The following FREM1 variants were observed in gnomAD, a reference collection of about 807,000 sequenced individuals.
FREM1 encodes FRAS1 related extracellular matrix 1, also known as FRAS1-related extracellular matrix protein 1.
A neutral mutation model predicts 210.1 loss-of-function variants in FREM1; 220 were observed. The observed-to-expected ratio is 1.05, with a 90% CI of 0.94 to 1.17. FREM1 has a LOEUF of 1.17. FREM1 is among the 50% of genes most tolerant of loss of function. The pLI is 0.00. For missense variants in FREM1, 3,454 were observed against 2,675.5 expected, an observed-to-expected ratio of 1.29 and a Z score of -6.42; for synonymous variants, 1,189 against 980.2, an observed-to-expected ratio of 1.21 and a Z score of -3.98.
rs746170886 is a variant in FREM1, at chr9:14,842,473, A to G, written c.1581T>C (p.Asn527=). ...GCCCCTCCTCCAGTTCAATCACAAC[A>G]TTGGTTATGAGGAACGGGGGACTAT... is the stretch of plus-strand genomic sequence containing the variant. The part of the protein sequence containing the change: ...KDDSPPFLIT[N]VVIELEEGQT... Residue 527 remains asparagine, a synonymous_variant, in exon 9 of 37, where the codon AAT becomes AAC. Coordinates refer to ENST00000380880, the MANE Select transcript of FREM1 (RefSeq NM_001379081.2). 12 of 1,613,846 alleles carry G rather than the reference A, an allele frequency of 7.4e-6. No homozygotes were observed. The Admixed American group carries it at 1.8e-4, about 25-fold the overall frequency.
intron 3 of FREM1, among the ~76,000 whole-genome samples, chr9:14,860,612 C>CATATAT (rs1158294138): frequency 3.8e-4 from 40 of 105,826 alleles, no homozygotes; most frequent in East Asian, 6.7e-4. Flanking sequence ...CACATATATA[C>CATATAT]ACACATATAT....
intron 24 of FREM1, 62 bp downstream of exon 24, chr9:14,784,308 G>C (rs923697512): frequency 6.7e-7 from 1 of 1,491,880 alleles, no homozygotes; most frequent in African/African-American, 1.4e-5. Context: ...CACATTAACA[G>C]ATCTCCTTTT....
chr9:14,860,792 TATATACACATATATAC>T (rs1829910597), intron 3 of FREM1, among the ~76,000 whole-genome samples: 1 of 126,510 alleles, frequency 7.9e-6, no homozygotes, highest in African/African-American at 3.1e-5. Context: ...CATATATACA[TATATACACATATATAC>T]ATATATACAC....
intron 24 of FREM1, among the ~76,000 whole-genome samples, chr9:14,783,103 T>A (rs745392609): frequency 6.6e-6 from 1 of 152,236 alleles, no homozygotes; most frequent in Non-Finnish European, 1.5e-5. Context: ...AAGGGACACT[T>A]ATCAAGAGAA....
intron 1 of FREM1, among the ~76,000 whole-genome samples, chr9:14,905,915 A>G (rs1001466009): frequency 2.0e-5 from 3 of 147,160 alleles, no homozygotes; most frequent in African/African-American, 7.4e-5. Context: ...AAAAAAAAAA[A>G]GAATAAAGTG....
intron 9 of FREM1, 51 bp from the exon 10 acceptor site, chr9:14,841,640 C>G (rs1358195940): frequency 2.1e-6 from 3 of 1,401,546 alleles, no homozygotes; most frequent in South Asian, 1.8e-5. Flanking sequence ...TATCAAATAT[C>G]GAGGGACAAT....
intron 1 of FREM1, among the ~76,000 whole-genome samples, chr9:14,870,489 GT>G (rs199738597): frequency 6.6e-6 from 1 of 151,338 alleles, no homozygotes; most frequent in African/African-American, 2.4e-5. Flanking sequence ...TGTTGTCTTT[GT>G]TTTTTTTCTT....
chr9:14,806,802 C>A lies in FREM1; in HGVS notation c.3133G>T (p.Val1045Phe), dbSNP rs761033350. 2.5e-6 allele frequency: 4 copies of A among 1,608,012 alleles called. No homozygotes were observed. The highest frequency in any genetic ancestry group is 3.4e-6 in the Non-Finnish European group (4 of 1,177,216). Residue 1045 changes from valine (V) to phenylalanine (F), a missense_variant, in exon 18 of 37, where the codon GTT becomes TTT. Physicochemically the swap from Val to Phe is conservative, Grantham distance 50. Coordinates refer to ENST00000380880, the MANE Select transcript of FREM1 (RefSeq NM_001379081.2). Reference sequence around the variant, plus strand: ...GGGTCAGTGGCGGACAAATGGTTAACAGTAAGGGCTGTTGAGCAGCCCTCA... The same window carrying A: ...GGGTCAGTGGCGGACAAATGGTTAAAAGTAAGGGCTGTTGAGCAGCCCTCA... The part of the protein sequence containing the change: ...VDEGCSTALT[V>F]NHLSATDPDT...
At chr9:14,844,296 G>T (rs1358366755) in intron 8 of FREM1, among the ~76,000 whole-genome samples, 1 of 150,648 alleles carries the variant, frequency 6.6e-6, no homozygotes, top group East Asian at 2.0e-4. Context: ...CGTGATCTCA[G>T]CTCACTGCAA....
Position 14,860,572 on chromosome 9 carries a change from C to CACAT in FREM1, c.330-1089_330-1088insATGT, listed in dbSNP as rs1554707048. On this transcript the variant is annotated intron_variant, in intron 3 of 36. Coordinates refer to ENST00000380880, the MANE Select transcript of FREM1 (RefSeq NM_001379081.2). ...ATATATATACACACATATATATACA[C>CACAT]ATATATATACACATATATATACATA... 8.1e-3 allele frequency among the ~76,000 whole-genome samples: 714 copies of CACAT among 88,012 alleles called. 63 individuals are homozygous for CACAT. Among genetic ancestry groups the CACAT allele is most frequent in the African/African-American group, 0.032 (672 of 20,804 alleles). 57.7% of individuals were successfully genotyped at this position (88,012 alleles called of 152,430 possible). A position where few individuals can be genotyped will look rare whatever the true frequency, so the allele number is the denominator to read the frequency against.
intron 16 of FREM1, 44 bp from the exon 17 acceptor site, chr9:14,808,178 T>A: frequency 1.5e-6 from 2 of 1,318,704 alleles, no homozygotes; most frequent in Non-Finnish European, 2.1e-6. Flanking sequence ...TTAAAAAATA[T>A]AGAATACCAA....
chr9:14,882,979 G>A (rs1835089603), intron 1 of FREM1, among the ~76,000 whole-genome samples: 1 of 144,378 alleles, frequency 6.9e-6, no homozygotes, highest in Non-Finnish European at 1.5e-5. Context: ...AATAATCTAT[G>A]TGGAAATATT....
In FREM1 at chr9:14,828,159, C is replaced by T. The variant is rs547009267; in HGVS notation, c.1882-3167G>A. Among the ~76,000 whole-genome samples the T allele has an allele frequency of 3.3e-5, 5 of 152,286 alleles. No individual in the cohort carries two copies. In the South Asian group the frequency reaches 8.3e-4, roughly 25 times the overall value. On this transcript the variant is annotated intron_variant, in intron 10 of 36. Transcript: ENST00000380880. ...ATCCAGGAAAGCCTCAGGCACCTGA[C>T]GCCAACCTCTGACAGCTGTTGCCTG...
At chr9:14,785,695 A>ATATACTATATGAT (rs6150929) in intron 23 of FREM1, among the ~76,000 whole-genome samples, 146,860 of 152,094 alleles carry the variant, frequency 0.97, 71,117 homozygotes, top group Middle Eastern at 1. Context: ...ATGAAAAGAT[A>ATATACTATATGAT]TCCACTTACA....
At chr9:14,855,277 A>G (rs769450852) in intron 5 of FREM1, among the ~76,000 whole-genome samples, 1 of 152,168 alleles carries the variant, frequency 6.6e-6, no homozygotes, top group Non-Finnish European at 1.5e-5. Context: ...ATAGAAGATC[A>G]TCTAAAATCA....
chr9:14,776,092 G>C lies in FREM1; in HGVS notation c.4554C>G (p.Ala1518=). ...VVTRNKGLRL[A]QGAVGLLSPD... ...GGGAAAGCAGGCCCACGGCCCCTTG[G>C]GCCAGTCTCAACCCCTTGTTCCTGG... The change falls in exon 25 of 37, where the codon GCC becomes GCG. Residue 1518 remains alanine, a synonymous_variant. Coordinates refer to ENST00000380880, the MANE Select transcript of FREM1 (RefSeq NM_001379081.2). The C allele has an allele frequency of 6.2e-7, 1 of 1,611,030 alleles. No individual in the cohort carries two copies.
At chr9:14,869,653 T>G (rs1832221021) in intron 1 of FREM1, among the ~76,000 whole-genome samples, 1 of 152,212 alleles carries the variant, frequency 6.6e-6, no homozygotes, top group African/African-American at 2.4e-5. Context: ...CTGATAGGAT[T>G]ATTAACACAT....
At position 14,792,925 on chromosome 9, in the gene FREM1, G is replaced by A. The variant is rs906357613; in HGVS notation, c.3840-41C>T. The A allele has an allele frequency of 3.6e-6, 5 of 1,400,706 alleles. No individual in the cohort carries two copies. The African/African-American group carries it at 5.8e-5, about 16-fold the overall frequency. The allele number at this position is 1,400,706 out of a possible 1,614,324, so 86.8% of individuals were successfully genotyped here. On this transcript the variant is annotated intron_variant, in intron 21 of 36. Coordinates refer to ENST00000380880, the MANE Select transcript of FREM1 (RefSeq NM_001379081.2). ...TGTCTGGGTTGATATAAAAATAGAA[G>A]ATATTCCTTTAGTAGGGGACACTTA...
chr9:14,748,851 T>TTATA (rs1355536607), intron 30 of FREM1, among the ~76,000 whole-genome samples: 1 of 152,216 alleles, frequency 6.6e-6, no homozygotes, highest in African/African-American at 2.4e-5. Context: ...TATTGAGTGA[T>TTATA]TATAAAGTCA....
Sources: allele counts gnomAD v4.1 joint callset (sites outside exome capture counted in the v4.1 genomes callset), GRCh38; gene constraint gnomAD v4.1.1; transcripts MANE v1.5; gene names NCBI Gene and HGNC (gene_info 2026-07-23, HGNC 2026-07-21).